TRAF7: variants seen among roughly 807,000 people sequenced by gnomAD.
TRAF7 encodes the protein TNF receptor associated factor 7, also known as E3 ubiquitin-protein ligase TRAF7.
Under a neutral mutation model 89.3 loss-of-function variants are expected in TRAF7, and 45 were observed. The ratio of observed to expected loss-of-function variants is 0.50; its 90% confidence interval spans 0.40 to 0.65. The LOEUF (loss-of-function observed/expected upper bound fraction) is 0.65. Among genes scored for constraint, TRAF7 ranks in the 30% least tolerant of loss-of-function variants. The pLI is 0.00. For synonymous variants in TRAF7, 406 were observed against 369.2 expected, an observed-to-expected ratio of 1.10 and a Z score of -1.14; for missense variants, 677 against 918.1, an observed-to-expected ratio of 0.74 and a Z score of 3.39.
In TRAF7 at chr16:2,174,196, C is replaced by A. The variant is rs115757480; in HGVS notation, c.1264-55C>A. 1,749 of 1,599,400 alleles carry A rather than the reference C, an allele frequency of 1.1e-3. 17 individuals are homozygous for A. In the African/African-American group the frequency reaches 0.019, roughly 17 times the overall value. On this transcript the variant is annotated intron_variant, in intron 13 of 20. Coordinates refer to ENST00000326181, the MANE Select transcript of TRAF7 (RefSeq NM_032271.3). ...TCCCTCACTCATTCCTGTCATGCTG[C>A]CCCTTGACACTGGGCTGACCTTGCT...
intron 2 of TRAF7, 23 bp from the exon 3 acceptor site, chr16:2,165,856 G>C (rs2093084451): frequency 1.2e-6 from 2 of 1,613,984 alleles, no homozygotes; most frequent in Non-Finnish European, 1.7e-6. Context: ...AATGAGGCCA[G>C]GTCTCCTCCG....
At chr16:2,166,763 C>A (rs1173816683) in intron 3 of TRAF7, among the ~76,000 whole-genome samples, 1 of 152,242 alleles carries the variant, frequency 6.6e-6, no homozygotes, top group African/African-American at 2.4e-5. Context: ...CTGAAGCTTC[C>A]CTGCTGCTTC....
rs1433263646 is a variant in TRAF7 at position 2,172,717 on chromosome 16, G to T, written c.794+118G>T. ...AGGCCGGAGCTGGGGCCACACCGGG[G>T]TCTGTAATCCTCTCTGAGGCCCAAG... On this transcript the variant is annotated intron_variant, in intron 9 of 20. Transcript: ENST00000326181. 5.5e-6 allele frequency: 7 copies of T among 1,271,084 alleles called. No homozygotes were observed. In the East Asian group the frequency reaches 1.5e-4, roughly 28 times the overall value. The allele number at this position is 1,271,084 out of a possible 1,614,324, so 78.7% of individuals were successfully genotyped here. A position where few individuals can be genotyped will look rare whatever the true frequency, so the allele number is the denominator to read the frequency against.
rs377753036 is a variant in TRAF7 at position 2,168,603 on chromosome 16, T to C, written c.231+435T>C. ...CTGATGAGGCGGGGGGAAAGGTGTG[T>C]GGACCTAAGCTGTGGGGACACCAGA... On this transcript the variant is annotated intron_variant, in intron 4 of 20. Transcript: ENST00000326181. This position sits in a 1 kb window ranked among gnomAD's most constrained non-coding sequence, Gnocchi z 4.1. 1.1e-4 allele frequency: 18 copies of C among 167,978 alleles called. No individual in the cohort carries two copies. In the East Asian group the frequency reaches 2.6e-3, roughly 24 times the overall value. 10.4% of individuals were successfully genotyped at this position (167,978 alleles called of 1,614,324 possible). A position where few individuals can be genotyped will look rare whatever the true frequency, so the allele number is the denominator to read the frequency against.
At chr16:2,174,359 G>A in intron 14 of TRAF7, 26 bp downstream of exon 14, 1 of 1,603,878 alleles carries the variant, frequency 6.2e-7, no homozygotes, top group Non-Finnish European at 8.5e-7. Flanking sequence ...TGTGTGATCA[G>A]TGATTCCCAG....
Position 2,176,862 on chromosome 16 carries a change from C to T in TRAF7, c.*288C>T. ...CCTAGATGGAGCGAGGGCCTTTTTA[C>T]TCACCTTTTCTACCGTTTTTAGACT... On this transcript the variant is annotated 3_prime_UTR_variant, in exon 21 of 21. Coordinates refer to ENST00000326181, the MANE Select transcript of TRAF7 (RefSeq NM_032271.3). The T allele has an allele frequency of 1.8e-6, 1 of 552,518 alleles. No individual in the cohort carries two copies. Among genetic ancestry groups the T allele is most frequent in the Non-Finnish European group, 3.2e-6 (1 of 307,962 alleles). The allele number at this position is 552,518 out of a possible 1,614,324, so 34.2% of individuals were successfully genotyped here. A position where few individuals can be genotyped will look rare whatever the true frequency, so the allele number is the denominator to read the frequency against.
chr16:2,156,150 C>A (rs1037896431), intron 1 of TRAF7, among the ~76,000 whole-genome samples: 1 of 152,114 alleles, frequency 6.6e-6, no homozygotes, highest in Non-Finnish European at 1.5e-5. Context: ...AGGCACTGTT[C>A]TGGGCGCCGG....
At position 2,176,736 on chromosome 16, in the gene TRAF7, C is replaced by T; in HGVS notation, c.*162C>T. 1 of 1,038,072 alleles carries T rather than the reference C, an allele frequency of 9.6e-7. No homozygotes were observed. Among genetic ancestry groups the T allele is most frequent in the South Asian group, 1.4e-5 (1 of 72,560 alleles). 64.3% of individuals were successfully genotyped at this position (1,038,072 alleles called of 1,614,324 possible). A position where few individuals can be genotyped will look rare whatever the true frequency, so the allele number is the denominator to read the frequency against. On this transcript the variant is annotated 3_prime_UTR_variant, in exon 21 of 21. Transcript: ENST00000326181. The stretch of plus-strand genomic sequence containing the variant: ...CCCTCCCCGTCCCATGCTCGGCGAG[C>T]CTCCCTCTACTCGGCACTGTCCTTG...
Position 2,168,365 on chromosome 16 carries a change from G to C in TRAF7, c.231+197G>C, listed in dbSNP as rs977248121. 1 of 549,002 alleles carries C rather than the reference G, an allele frequency of 1.8e-6. No homozygotes were observed. The highest frequency in any genetic ancestry group is 2.2e-5 in the South Asian group (1 of 46,428). 34.0% of individuals were successfully genotyped at this position (549,002 alleles called of 1,614,324 possible). A position where few individuals can be genotyped will look rare whatever the true frequency, so the allele number is the denominator to read the frequency against. Reference sequence around the variant, plus strand: ...GGCTCCTGTGGCTGGACTGTGGGTGGCAGGGGGCAGCCAGTGAGGGCAGCT... The same window carrying C: ...GGCTCCTGTGGCTGGACTGTGGGTGCCAGGGGGCAGCCAGTGAGGGCAGCT... On this transcript the variant is annotated intron_variant, in intron 4 of 20. Coordinates refer to ENST00000326181, the MANE Select transcript of TRAF7 (RefSeq NM_032271.3). The surrounding 1 kb of genome is among the most constrained non-coding windows in gnomAD (Gnocchi z 4.1).
rs2141294956 is a variant in TRAF7, at chr16:2,175,549, G to C, written c.1553G>C (p.Gly518Ala). Reference sequence around the variant, plus strand: ...CTGAAGTTGAAGAAGGAGCTCACAGGCCTCAACCACTGGGTGCGGGCCCTG... The same window carrying C: ...CTGAAGTTGAAGAAGGAGCTCACAGCCCTCAACCACTGGGTGCGGGCCCTG... ...TELKLKKELT[G>A]LNHWVRALVA... Residue 518 changes from glycine (G) to alanine (A), a missense_variant, in exon 17 of 21, where the codon GGC becomes GCC. This residue lies in a region of TRAF7 where 160 missense variants were observed against 263.7 expected (regional missense o/e 0.61). Coordinates refer to ENST00000326181, the MANE Select transcript of TRAF7 (RefSeq NM_032271.3). The C allele has an allele frequency of 6.2e-7, 1 of 1,613,164 alleles. No individual in the cohort carries two copies.
rs2093116651 is a variant in TRAF7 at position 2,172,510 on chromosome 16, C to T, written c.705C>T (p.Asn235=). Residue 235 remains asparagine (N), a synonymous_variant, in exon 9 of 21, where the codon AAC becomes AAT. Transcript: ENST00000326181. Reference sequence around the variant, plus strand: ...ACTACAGGCCTGTGCGGTGTCCCAACAACCCCAGCTGCCCCCCGCTGCTCA... The same window carrying T: ...ACTACAGGCCTGTGCGGTGTCCCAATAACCCCAGCTGCCCCCCGCTGCTCA... The part of the protein sequence containing the change: ...SCDYRPVRCP[N]NPSCPPLLRM... The T allele has an allele frequency of 6.2e-7, 1 of 1,604,302 alleles. No homozygotes were observed. The highest frequency in any genetic ancestry group is 1.3e-5 in the African/African-American group (1 of 74,798).
rs374884281 is a variant in TRAF7, at chr16:2,163,901, C to T, written c.-20C>T. 2.1e-5 allele frequency: 34 copies of T among 1,609,152 alleles called. No individual in the cohort carries two copies. The highest frequency in any genetic ancestry group is 1.3e-4 in the African/African-American group (10 of 74,972). ...CCCACAGGAGGTGCTTCCCAAGGAC[C>T]GTAGATGCCTCTCTAGAGCATGAGC... On this transcript the variant is annotated 5_prime_UTR_variant, in exon 2 of 21. Transcript: ENST00000326181. The surrounding 1 kb of genome is among the most constrained non-coding windows in gnomAD (Gnocchi z 4.3).
At chr16:2,160,674 C>T (rs569932483) in intron 1 of TRAF7, among the ~76,000 whole-genome samples, 2 of 152,176 alleles carry the variant, frequency 1.3e-5, no homozygotes, top group South Asian at 2.1e-4. Context: ...TGGCTTTTCC[C>T]GGTTTGGGAA....
At chr16:2,164,546 G>A (rs1408221504) in intron 2 of TRAF7, among the ~76,000 whole-genome samples, 5 of 137,452 alleles carry the variant, frequency 3.6e-5, no homozygotes, top group East Asian at 4.6e-4. Context: ...TGAGTGCTGC[G>A]TGGCCTGGCC....
rs2141295339 is a variant in TRAF7, at chr16:2,175,598, C to T, written c.1602C>T (p.Tyr534=). ...TGGTGGCTGCCCAGAGCTACCTGTA[C>T]AGCGGCTCCTACCAGACAATCAAGG... The part of the protein sequence containing the change: ...RALVAAQSYL[Y]SGSYQTIKIW... The change falls in exon 17 of 21, where the codon TAC becomes TAT. Residue 534 remains tyrosine, a synonymous_variant. Transcript: ENST00000326181. 1 of 1,612,634 alleles carries T rather than the reference C, an allele frequency of 6.2e-7. No individual in the cohort carries two copies. The highest frequency in any genetic ancestry group is 1.1e-5 in the South Asian group (1 of 91,080).
At chr16:2,174,782 C>T (rs1046865713) in intron 14 of TRAF7, among the ~76,000 whole-genome samples, 1 of 152,190 alleles carries the variant, frequency 6.6e-6, no homozygotes, top group Admixed American at 6.5e-5. Context: ...AGCAAGTAAG[C>T]GTGTGCGTGA....
chr16:2,173,867 A>ACCCCCCCCC, intron 12 of TRAF7, 31 bp downstream of exon 12: 1 of 362,584 alleles, frequency 2.8e-6, no homozygotes, highest in South Asian at 2.3e-5. Flanking sequence ...GCTCCCGCCC[A>ACCCCCCCCC]CCCTCCCCCC....
intron 14 of TRAF7, among the ~76,000 whole-genome samples, 197 bp downstream of exon 14, chr16:2,174,530 G>A (rs564013285): frequency 6.6e-6 from 1 of 152,298 alleles, no homozygotes; most frequent in African/African-American, 2.4e-5. Context: ...CATCTCCAAA[G>A]TTGTGTGTTC....
At position 2,161,168 on chromosome 16, in the gene TRAF7, C is replaced by T. The variant is rs963691656; in HGVS notation, c.-38-2715C>T. Among the ~76,000 whole-genome samples, 1 of 149,524 alleles carries T rather than the reference C, an allele frequency of 6.7e-6. No individual in the cohort carries two copies. Among genetic ancestry groups the T allele is most frequent in the Non-Finnish European group, 1.5e-5 (1 of 67,186 alleles). On this transcript the variant is annotated intron_variant, in intron 1 of 20. Transcript: ENST00000326181. The surrounding 1 kb of genome is among the most constrained non-coding windows in gnomAD (Gnocchi z 5.2). ...GAAGCAGCCTCCTGTGCAGAGTATC[C>T]CCCTCCTTCCCTCCCTCCTTCCGTC...
Sources: gnomAD v4.1 joint callset for allele counts (sites outside exome capture counted in the v4.1 genomes callset) on GRCh38, gnomAD v4.1.1 for gene constraint, gnomAD v4.1.1 regional missense constraint, Gnocchi (gnomAD v3.1) non-coding constraint, MANE v1.5 for transcripts, NCBI Gene and HGNC (gene_info 2026-07-23, HGNC 2026-07-21) for gene names.